Variants in FAM169A observed in about 807,000 individuals in gnomAD.
The protein encoded by FAM169A is family with sequence similarity 169 member A, also known as soluble lamin-associated protein of 75 kDa.
FAM169A carries 24 observed loss-of-function variants against 75.7 expected under a neutral mutation model. The ratio of observed to expected loss-of-function variants is 0.32; its 90% confidence interval spans 0.23 to 0.45. The LOEUF is 0.45. FAM169A is among the 20% of genes least tolerant of loss of function. The pLI, the probability that FAM169A is intolerant of heterozygous loss-of-function variation, is 1.00. For synonymous variants in FAM169A, 271 were observed against 271.0 expected (o/e 1.00, Z 0.00); for missense variants, 673 against 784.0 (o/e 0.86, Z 1.69).
chr5:74,866,088 TGGC>T (rs1260976503), intron 1 of FAM169A, 74 bp downstream of exon 1: 1 of 752,666 alleles, frequency 1.3e-6, no homozygotes, highest in Non-Finnish European at 1.6e-6. Context: ...GGTCTGGTGC[TGGC>T]GGGGGCGCGG....
intron 11 of FAM169A, among the ~76,000 whole-genome samples, chr5:74,788,505 A>G (rs923578507): frequency 6.6e-6 from 1 of 152,158 alleles, no homozygotes; most frequent in Non-Finnish European, 1.5e-5. Flanking sequence ...CGGGAGTTCG[A>G]AACCAGCCTG....
At chr5:74,813,424 T>G (rs530763032) in intron 6 of FAM169A, among the ~76,000 whole-genome samples, 2 of 152,082 alleles carry the variant, frequency 1.3e-5, no homozygotes, top group Non-Finnish European at 2.9e-5. Context: ...CCTCCCGGAT[T>G]CAAGCAATTC....
rs747968921 is a variant in FAM169A, at chr5:74,781,601, C to T, written c.1872G>A (p.Gln624=). 1.5e-5 allele frequency: 25 copies of T among 1,614,048 alleles called. 1 individual carries two copies. In the South Asian group the frequency reaches 2.7e-4, roughly 18 times the overall value. Reference sequence around the variant, plus strand: ...CAGCTTTTTCTGCCGATTGTGTAAACTGATCCAGTTGCTCGGAAGATGCTT... The same window carrying T: ...CAGCTTTTTCTGCCGATTGTGTAAATTGATCCAGTTGCTCGGAAGATGCTT... The part of the protein sequence containing the change: ...QSEASSEQLD[Q]FTQSAEKAVD... The change falls in exon 13 of 13, where the codon CAG becomes CAA. Residue 624 remains glutamine (Q), a synonymous_variant. Transcript: ENST00000687041.
chr5:74,811,414 G>C (rs573026074), intron 6 of FAM169A, among the ~76,000 whole-genome samples: 42 of 152,116 alleles, frequency 2.8e-4, no homozygotes, highest in Non-Finnish European at 5.4e-4. Flanking sequence ...CAGTAATTAG[G>C]GGGTAATGCA....
chr5:74,856,906 G>A (rs994618381), intron 1 of FAM169A, among the ~76,000 whole-genome samples: 4 of 150,854 alleles, frequency 2.7e-5, no homozygotes, highest in South Asian at 2.1e-4. Context: ...TCAGGAGATC[G>A]AGACCATCCT....
intron 10 of FAM169A, chr5:74,799,300 A>C: frequency 6.3e-7 from 1 of 1,582,214 alleles, no homozygotes; most frequent in Non-Finnish European, 8.7e-7. Flanking sequence ...TACTTTTGTG[A>C]AGTGGTCCGC....
intron 5 of FAM169A, among the ~76,000 whole-genome samples, chr5:74,816,297 T>C (rs963671113): frequency 2.0e-5 from 3 of 152,214 alleles, no homozygotes; most frequent in Non-Finnish European, 1.5e-5. Context: ...TGAGGATCTA[T>C]GGTTGTTCAT....
rs1745349555 is a variant in FAM169A, at chr5:74,780,323, CATAT to C, written c.*1133_*1136del. 3.3e-5 allele frequency: 5 copies of C among 152,252 alleles called. No homozygotes were observed. The South Asian group carries it at 8.3e-4, about 25-fold the overall frequency. 9.4% of individuals were successfully genotyped at this position (152,252 alleles called of 1,614,324 possible). A position where few individuals can be genotyped will look rare whatever the true frequency, so the allele number is the denominator to read the frequency against. On this transcript the variant is annotated 3_prime_UTR_variant, in exon 13 of 13. Transcript: ENST00000687041. Reference sequence around the variant, plus strand: ...ACACTGGGGGCAGTTTTACTCCTGCCATATAGGTCTAACATTGTGGGGTGCACCT... The same window carrying C: ...ACACTGGGGGCAGTTTTACTCCTGCCAGGTCTAACATTGTGGGGTGCACCT...
intron 6 of FAM169A, among the ~76,000 whole-genome samples, chr5:74,806,687 C>T (rs1395545246): frequency 6.6e-6 from 1 of 152,170 alleles, no homozygotes; most frequent in African/African-American, 2.4e-5. Flanking sequence ...AAATTAGTGA[C>T]TACTGTATTG....
rs758890613 is a variant in FAM169A at position 74,805,267 on chromosome 5, C to G, written c.688G>C (p.Glu230Gln). Residue 230 changes from glutamate (E) to glutamine (Q), a missense_variant, in exon 7 of 13, where the codon GAG (glutamate) becomes CAG (glutamine). Glu to Gln is a conservative substitution (Grantham distance 29). Around this residue, in one of 3 missense-constraint regions of FAM169A, gnomAD observed 510 missense variants for 550.9 expected, o/e 0.93. Transcript: ENST00000687041. ...LMYTACKQYFEKYPGDHELLW... is the reference protein window; with the variant it reads ...LMYTACKQYFQKYPGDHELLW... ...AGTTCATGGTCTCCTGGATACTTCT[C>G]AAAGTATTGCTTGCAAGCTGAAAAA... is the stretch of plus-strand genomic sequence containing the variant. 3.7e-6 allele frequency: 6 copies of G among 1,612,154 alleles called. No homozygotes were observed. In the South Asian group the frequency reaches 4.4e-5, roughly 12 times the overall value.
At chr5:74,815,414 C>G (rs1347323240) in intron 5 of FAM169A, among the ~76,000 whole-genome samples, 1 of 152,108 alleles carries the variant, frequency 6.6e-6, no homozygotes, top group African/African-American at 2.4e-5. Flanking sequence ...TGGTCTTGAA[C>G]TCCTGACCTC....
rs370254773 is a variant in FAM169A at position 74,801,649 on chromosome 5, A to G, written c.913-20T>C. The G allele has an allele frequency of 1.3e-5, 21 of 1,598,788 alleles. No homozygotes were observed. The highest frequency in any genetic ancestry group is 1.7e-6 in the Non-Finnish European group (2 of 1,170,276). On this transcript the variant is annotated intron_variant, in intron 8 of 12. Coordinates refer to ENST00000687041, the MANE Select transcript of FAM169A (RefSeq NM_001376049.1). Reference sequence around the variant, plus strand: ...ATCAATCTAAAAAAGAGAGAGATTCAAACCCAAAGTTTTAGACTATTTTTT... The same window carrying G: ...ATCAATCTAAAAAAGAGAGAGATTCGAACCCAAAGTTTTAGACTATTTTTT...
At chr5:74,866,408 C>A (rs991326257), upstream of FAM169A, 2 of 980,182 alleles carry the variant, frequency 2.0e-6, no homozygotes, top group Non-Finnish European at 2.4e-6. Context: ...CGCCTCCAGC[C>A]TTCGCTTCCG....
rs1333531165 is a variant in FAM169A, at chr5:74,783,004, C to G, written c.1391G>C (p.Ser464Thr). 1.2e-6 allele frequency: 2 copies of G among 1,613,908 alleles called. No homozygotes were observed. The highest frequency in any genetic ancestry group is 2.7e-5 in the African/African-American group (2 of 74,916). Residue 464 changes from serine to threonine, a missense_variant, in exon 12 of 13, where the codon AGT becomes ACT. Ser to Thr is a moderately conservative substitution (Grantham distance 58, BLOSUM62 1). Coordinates refer to ENST00000687041, the MANE Select transcript of FAM169A (RefSeq NM_001376049.1). ...TGGAACAAGATTTGTAGAGTCTTCA[C>G]TGGAATTAAAAGGCTGCAATTTTAA... ...EELKLQPFNS[S>T]EDSTNLVPLV...
chr5:74,847,845 GA>G (rs1749236214), intron 1 of FAM169A, among the ~76,000 whole-genome samples: 1 of 152,026 alleles, frequency 6.6e-6, no homozygotes, highest in Non-Finnish European at 1.5e-5. Flanking sequence ...TACTGTCAAA[GA>G]TTTTTTTCAT....
intron 1 of FAM169A, among the ~76,000 whole-genome samples, chr5:74,860,165 A>G (rs1749959044): frequency 6.6e-6 from 1 of 152,242 alleles, no homozygotes; most frequent in African/African-American, 2.4e-5. Flanking sequence ...ATTCAAACCT[A>G]TGCCTATGGG....
intron 3 of FAM169A, 115 bp from the exon 4 acceptor site, chr5:74,839,165 T>A (rs1748722167): frequency 1.4e-6 from 1 of 715,102 alleles, no homozygotes. Flanking sequence ...AGTATCTATA[T>A]AAACCTTACC....
chr5:74,799,567 G>C (rs1746453587), intron 10 of FAM169A: 15 of 1,502,024 alleles, frequency 1.0e-5, no homozygotes, highest in Non-Finnish European at 1.4e-5. Flanking sequence ...GATGCTTTTT[G>C]GGCAGCTGAT....
intron 11 of FAM169A, among the ~76,000 whole-genome samples, chr5:74,792,499 T>C (rs924131888): frequency 6.8e-6 from 1 of 147,980 alleles, no homozygotes; most frequent in Non-Finnish European, 1.5e-5. Context: ...TCTTTAGCTT[T>C]GGGACTCGGA....
Sources: allele counts gnomAD v4.1 joint callset (sites outside exome capture counted in the v4.1 genomes callset), GRCh38; gene constraint gnomAD v4.1.1; regional missense constraint gnomAD v4.1.1; transcripts MANE v1.5; gene names NCBI Gene and HGNC (gene_info 2026-07-23, HGNC 2026-07-21).